The following ROBO1 variants were observed in gnomAD, a reference collection of about 807,000 sequenced individuals.
The protein encoded by ROBO1 is roundabout homolog 1.
A neutral mutation model predicts 195.9 loss-of-function variants in ROBO1; 149 were observed. The ratio of observed to expected loss-of-function variants is 0.76; its 90% CI spans 0.67 to 0.87. The LOEUF is 0.87. ROBO1 is among the 40% of genes least tolerant of loss of function. The pLI, the probability that ROBO1 is intolerant of heterozygous loss-of-function variation, is 0.00. For synonymous variants in ROBO1, 816 were observed against 733.2 expected, an observed-to-expected ratio of 1.11 and a Z score of -1.82; for missense variants, 1,933 against 2,068.3, an observed-to-expected ratio of 0.93 and a Z score of 1.27.
chr3:79,517,967 T>A (rs2107565741), intron 2 of ROBO1, among the ~76,000 whole-genome samples: 1 of 152,282 alleles, frequency 6.6e-6, no homozygotes, highest in South Asian at 2.1e-4. Flanking sequence ...TCCAGGGTGT[T>A]AGGGTTTATT....
At chr3:78,701,338 T>A (rs1189325476) in intron 8 of ROBO1, among the ~76,000 whole-genome samples, 1 of 152,210 alleles carries the variant, frequency 6.6e-6, no homozygotes, top group African/African-American at 2.4e-5. Flanking sequence ...TTGTTCTGCA[T>A]TTTATTTTCT....
intron 3 of ROBO1, among the ~76,000 whole-genome samples, chr3:78,948,058 G>T (rs2040554243): frequency 6.6e-6 from 1 of 152,070 alleles, no homozygotes; most frequent in African/African-American, 2.4e-5. Context: ...AAGAGTCCAG[G>T]ACCAGATGGA....
intron 2 of ROBO1, among the ~76,000 whole-genome samples, chr3:79,578,460 A>G (rs560060472): frequency 6.6e-6 from 1 of 152,298 alleles, no homozygotes; most frequent in East Asian, 1.9e-4. Context: ...TATATCCACC[A>G]TTTAATTGGG....
At chr3:79,747,768 T>C (rs1324197142) in intron 1 of ROBO1, among the ~76,000 whole-genome samples, 1 of 151,952 alleles carries the variant, frequency 6.6e-6, no homozygotes, top group Non-Finnish European at 1.5e-5. Flanking sequence ...AAATATGTAG[T>C]GTGTTTCAGG....
chr3:79,231,879 T>C (rs530163334), intron 2 of ROBO1, among the ~76,000 whole-genome samples: 20 of 152,192 alleles, frequency 1.3e-4, no homozygotes, highest in African/African-American at 4.8e-4. Flanking sequence ...GAATACTACA[T>C]GGCCATAAAA....
At chr3:79,563,767 T>A (rs1943001905) in intron 2 of ROBO1, among the ~76,000 whole-genome samples, 1 of 152,000 alleles carries the variant, frequency 6.6e-6, no homozygotes, top group Non-Finnish European at 1.5e-5. Context: ...CACATGAAAG[T>A]GAAAGATGTG....
At chr3:79,242,371 G>A (rs2082535804) in intron 2 of ROBO1, among the ~76,000 whole-genome samples, 1 of 151,902 alleles carries the variant, frequency 6.6e-6, no homozygotes, top group Non-Finnish European at 1.5e-5. Context: ...ATCTATTAAG[G>A]GCCTGGGCCT....
At chr3:79,702,781 A>G (rs1560114158) in intron 1 of ROBO1, among the ~76,000 whole-genome samples, 1 of 151,994 alleles carries the variant, frequency 6.6e-6, no homozygotes, top group Non-Finnish European at 1.5e-5. Flanking sequence ...GTGGTGTAAT[A>G]GCCAGTTATG....
intron 3 of ROBO1, among the ~76,000 whole-genome samples, chr3:79,103,101 A>G (rs1037378795): frequency 6.6e-6 from 1 of 151,854 alleles, no homozygotes; most frequent in African/African-American, 2.4e-5. Flanking sequence ...CATGTGTTTA[A>G]CTGAATTCCA....
At chr3:78,866,502 C>T (rs1295285270) in intron 4 of ROBO1, among the ~76,000 whole-genome samples, 2 of 152,116 alleles carry the variant, frequency 1.3e-5, no homozygotes, top group Non-Finnish European at 2.9e-5. Context: ...TTCGCACCCT[C>T]CCATGCCATT....
At chr3:78,968,440 C>T (rs2076694435) in intron 3 of ROBO1, among the ~76,000 whole-genome samples, 1 of 151,768 alleles carries the variant, frequency 6.6e-6, no homozygotes, top group South Asian at 2.1e-4. Context: ...AATTAGCAAG[C>T]CCAGCTACTT....
At chr3:78,880,695 C>T (rs1576336424) in intron 4 of ROBO1, among the ~76,000 whole-genome samples, 1 of 152,280 alleles carries the variant, frequency 6.6e-6, no homozygotes, top group African/African-American at 2.4e-5. Flanking sequence ...AGATCTAACC[C>T]TTTATCTGCT....
intron 1 of ROBO1, among the ~76,000 whole-genome samples, chr3:79,721,774 A>G (rs547618243): frequency 2.6e-5 from 4 of 152,338 alleles, no homozygotes; most frequent in African/African-American, 9.6e-5. Flanking sequence ...CAGAGTCCTG[A>G]GGAAGACTAA....
In ROBO1 at chr3:79,620,790, A is replaced by T. The variant is rs559997158; in HGVS notation, c.-50-30829T>A. On this transcript the variant is annotated intron_variant, in intron 1 of 30. Transcript: ENST00000464233. The stretch of plus-strand genomic sequence containing the variant: ...AATCTAATCACCCTTACCCCACTCA[A>T]CACCAATATCCCATTCCACAGCAGG... Among the ~76,000 whole-genome samples, 146 of 151,956 alleles carry T rather than the reference A, an allele frequency of 9.6e-4. 1 individual carries two copies. The highest frequency in any genetic ancestry group is 3.5e-3 in the African/African-American group (143 of 41,444).
At chr3:78,875,301 T>C (rs1176949411) in intron 4 of ROBO1, among the ~76,000 whole-genome samples, 1 of 152,026 alleles carries the variant, frequency 6.6e-6, no homozygotes, top group Admixed American at 6.6e-5. Flanking sequence ...TTAGGTTTTC[T>C]GGATAGTAGA....
chr3:78,921,218 A>C (rs2038924191), intron 4 of ROBO1, among the ~76,000 whole-genome samples: 1 of 152,230 alleles, frequency 6.6e-6, no homozygotes, highest in Non-Finnish European at 1.5e-5. Flanking sequence ...GTTTTCCACA[A>C]AACAATTTAT....
At chr3:79,509,855 T>C (rs1940607946) in intron 2 of ROBO1, among the ~76,000 whole-genome samples, 1 of 152,154 alleles carries the variant, frequency 6.6e-6, no homozygotes, top group Non-Finnish European at 1.5e-5. Context: ...TGCTTCTTAT[T>C]AATAATAAAT....
In ROBO1 at chr3:78,923,322, A is replaced by G. The variant is rs147103151; in HGVS notation, c.499+15279T>C. ...ACTGACATTTCATGAAGGAAACTCAATGGTAAGCAAAAATATCTTATTCAC... is the reference window on the plus strand; with the variant it reads ...ACTGACATTTCATGAAGGAAACTCAGTGGTAAGCAAAAATATCTTATTCAC... On this transcript the variant is annotated intron_variant, in intron 4 of 30. Coordinates refer to ENST00000464233, the MANE Select transcript of ROBO1 (RefSeq NM_002941.4). Among the ~76,000 whole-genome samples the G allele has an allele frequency of 3.9e-5, 6 of 152,256 alleles. No individual in the cohort carries two copies. In the East Asian group the frequency reaches 1.2e-3, roughly 29 times the overall value.
intron 2 of ROBO1, among the ~76,000 whole-genome samples, chr3:79,519,995 G>GA (rs1941138363): frequency 6.6e-6 from 1 of 151,738 alleles, no homozygotes; most frequent in Non-Finnish European, 1.5e-5. Flanking sequence ...CCGCTGTGTA[G>GA]AAAAAATTTT....
Sources: allele counts gnomAD v4.1 joint callset (sites outside exome capture counted in the v4.1 genomes callset), GRCh38; gene constraint gnomAD v4.1.1; transcripts MANE v1.5; gene names NCBI Gene and HGNC (gene_info 2026-07-23, HGNC 2026-07-21).